The following RAB31 variants were observed in gnomAD, a reference collection of about 807,000 sequenced individuals.
RAB31 encodes the protein RAB31, member RAS oncogene family, also known as ras-related protein Rab-31.
Under a neutral mutation model 25.6 loss-of-function variants are expected in RAB31, and 21 were observed. That is an observed-to-expected ratio of 0.82 (90% CI 0.58 to 1.18). The LOEUF (loss-of-function observed/expected upper bound fraction) is 1.18, where lower values mean the gene tolerates loss of function less well. Ranked by LOEUF, RAB31 falls within the 50% of genes most tolerant of loss-of-function variation. The pLI is 0.00. For missense variants in RAB31, 196 were observed against 250.1 expected (o/e 0.78, Z 1.46); for synonymous variants, 87 against 84.0 (o/e 1.04, Z -0.20).
In RAB31 at chr18:9,818,282, A is replaced by G. The variant is rs1451809142; in HGVS notation, c.380+3060A>G. 2.6e-5 allele frequency among the ~76,000 whole-genome samples: 4 copies of G among 152,286 alleles called. No homozygotes were observed. In the South Asian group the frequency reaches 6.2e-4, roughly 24 times the overall value. On this transcript the variant is annotated intron_variant, in intron 5 of 6. Coordinates refer to ENST00000578921, the MANE Select transcript of RAB31 (RefSeq NM_006868.4). Reference sequence around the variant, plus strand: ...TATACAGTTCAACGACTGTTAGTATATTTTTAGAGTTGTACAGTCATCTCA... The same window carrying G: ...TATACAGTTCAACGACTGTTAGTATGTTTTTAGAGTTGTACAGTCATCTCA...
intron 6 of RAB31, among the ~76,000 whole-genome samples, chr18:9,854,199 A>T (rs759194293): frequency 6.6e-6 from 1 of 151,220 alleles, no homozygotes; most frequent in African/African-American, 2.4e-5. Context: ...TCATTGTTCA[A>T]CTCCCACTTA....
intron 1 of RAB31, among the ~76,000 whole-genome samples, chr18:9,738,957 T>C (rs2145470470): frequency 6.6e-6 from 1 of 152,320 alleles, no homozygotes; most frequent in South Asian, 2.1e-4. Context: ...AATCAGTGGC[T>C]TGCTTGGTGT....
intron 1 of RAB31, among the ~76,000 whole-genome samples, chr18:9,747,516 T>C (rs796954787): frequency 2.0e-5 from 3 of 152,206 alleles, no homozygotes; most frequent in African/African-American, 7.2e-5. Context: ...CAATGAAAAA[T>C]TATTCAGCTG....
intron 6 of RAB31, among the ~76,000 whole-genome samples, chr18:9,853,963 C>CTTTTTT (rs11376519): frequency 5.4e-5 from 7 of 130,774 alleles, no homozygotes; most frequent in Non-Finnish European, 9.8e-5. Flanking sequence ...CTTTTCTTTT[C>CTTTTTT]TTTTTTTTTT....
chr18:9,730,517 G>A (rs569462465), intron 1 of RAB31, among the ~76,000 whole-genome samples: 52 of 152,136 alleles, frequency 3.4e-4, no homozygotes, highest in African/African-American at 1.2e-3. Context: ...CTTGTACCCC[G>A]ACCTCATGTG....
At position 9,708,402 on chromosome 18, in the gene RAB31, G is replaced by A. The variant is rs1475712269; in HGVS notation, c.-4G>A. On this transcript the variant is annotated 5_prime_UTR_variant, in exon 1 of 7. Coordinates refer to ENST00000578921, the MANE Select transcript of RAB31 (RefSeq NM_006868.4). The surrounding 1 kb of genome is among the most constrained non-coding windows in gnomAD (Gnocchi z 6.4). ...GAGCCCCGGCACTGCCTGGCTGCGA[G>A]CACATGATGGCGATACGGGAGCTCA... The A allele has an allele frequency of 3.8e-6, 6 of 1,563,392 alleles. No homozygotes were observed. The highest frequency in any genetic ancestry group is 5.2e-6 in the Non-Finnish European group (6 of 1,156,184).
chr18:9,734,439 G>A (rs1315785553), intron 1 of RAB31, among the ~76,000 whole-genome samples: 1 of 152,184 alleles, frequency 6.6e-6, no homozygotes, highest in Non-Finnish European at 1.5e-5. Flanking sequence ...CATACCTAAC[G>A]AGGAGAACAT....
intron 1 of RAB31, among the ~76,000 whole-genome samples, chr18:9,772,376 AAG>A (rs2068349748): frequency 6.6e-6 from 1 of 152,168 alleles, no homozygotes; most frequent in South Asian, 2.1e-4. Context: ...GAATGAAAAA[AAG>A]GAGCAAATCG....
intron 1 of RAB31, among the ~76,000 whole-genome samples, chr18:9,757,024 A>T (rs1273726854): frequency 1.3e-5 from 2 of 152,136 alleles, no homozygotes; most frequent in Non-Finnish European, 2.9e-5. Context: ...CCTGCAGTAC[A>T]TTCATTCCTC....
At chr18:9,824,351 T>TGTGTGTATAG (rs1398962231) in intron 5 of RAB31, among the ~76,000 whole-genome samples, 3 of 151,230 alleles carry the variant, frequency 2.0e-5, no homozygotes, top group African/African-American at 7.3e-5. Context: ...TGTGTGTAGA[T>TGTGTGTATAG]GTGTGTATAG....
At chr18:9,818,444 G>A (rs1296559384) in intron 5 of RAB31, among the ~76,000 whole-genome samples, 3 of 151,958 alleles carry the variant, frequency 2.0e-5, no homozygotes, top group Non-Finnish European at 2.9e-5. Flanking sequence ...TTTTCTGGAC[G>A]TTTTGCATAC....
chr18:9,783,151 A>G (rs2068413837), intron 2 of RAB31, among the ~76,000 whole-genome samples: 1 of 152,188 alleles, frequency 6.6e-6, no homozygotes, highest in South Asian at 2.1e-4. Context: ...CTCACTGTGA[A>G]CCAAGGGGAA....
intron 1 of RAB31, among the ~76,000 whole-genome samples, chr18:9,774,678 C>G (rs1327086857): frequency 6.6e-6 from 1 of 152,124 alleles, no homozygotes; most frequent in East Asian, 1.9e-4. Context: ...CATTGAATTT[C>G]CAGTGTGTAA....
intron 5 of RAB31, among the ~76,000 whole-genome samples, chr18:9,833,355 G>A (rs1238548566): frequency 6.6e-6 from 1 of 152,186 alleles, no homozygotes; most frequent in Non-Finnish European, 1.5e-5. Flanking sequence ...GTGTCAGGGG[G>A]ACCATGGGAC....
chr18:9,728,657 C>G (rs963632247), intron 1 of RAB31, among the ~76,000 whole-genome samples: 3 of 152,144 alleles, frequency 2.0e-5, no homozygotes, highest in Non-Finnish European at 4.4e-5. Context: ...CATGCCTCAG[C>G]CTACCGAGTA....
At chr18:9,804,016 A>G (rs770580173) in intron 3 of RAB31, among the ~76,000 whole-genome samples, 6 of 152,246 alleles carry the variant, frequency 3.9e-5, no homozygotes, top group Admixed American at 2.0e-4. Flanking sequence ...CACTGTAAAC[A>G]GCTCTGCCCT....
chr18:9,818,349 C>T (rs1388971049), intron 5 of RAB31, among the ~76,000 whole-genome samples: 1 of 152,182 alleles, frequency 6.6e-6, no homozygotes, highest in Non-Finnish European at 1.5e-5. Flanking sequence ...TGAAGAACGT[C>T]ATGCCCATTT....
At position 9,775,352 on chromosome 18, in the gene RAB31, T is replaced by A; in HGVS notation, c.114T>A (p.Thr38=). The A allele has an allele frequency of 1.2e-6, 2 of 1,613,798 alleles. No homozygotes were observed. Among genetic ancestry groups the A allele is most frequent in the Non-Finnish European group, 1.7e-6 (2 of 1,179,742 alleles). The change falls in exon 2 of 7, where the codon ACT becomes ACA. Residue 38 remains threonine, a synonymous_variant. Transcript: ENST00000578921. ...QDHFDHNISP[T]IGASFMTKTV... is the part of the protein sequence containing the mutation. ...ACTTTGACCACAACATCAGCCCTAC[T>A]ATTGGGTAAGTTCCTGTATGTCATT...
intron 1 of RAB31, among the ~76,000 whole-genome samples, chr18:9,751,196 T>A (rs1340820350): frequency 6.6e-6 from 1 of 151,770 alleles, no homozygotes; most frequent in Middle Eastern, 3.2e-3. Context: ...ACCATGCCCG[T>A]CTAATTTATT....
Sources: gnomAD v4.1 joint callset for allele counts (sites outside exome capture counted in the v4.1 genomes callset) on GRCh38, gnomAD v4.1.1 for gene constraint, Gnocchi (gnomAD v3.1) non-coding constraint, MANE v1.5 for transcripts, NCBI Gene and HGNC (gene_info 2026-07-23, HGNC 2026-07-21) for gene names.